The following TENM2 variants were observed in gnomAD, a reference collection of about 807,000 sequenced individuals.
The protein encoded by TENM2 is teneurin transmembrane protein 2.
In TENM2, 52 loss-of-function variants were observed where a neutral mutation model predicts 245.2. The observed-to-expected ratio is 0.21, with a 90% CI of 0.17 to 0.27. The LOEUF (loss-of-function observed/expected upper bound fraction) is 0.27, where lower values mean the gene tolerates loss of function less well. Among genes scored for constraint, TENM2 ranks in the 10% least tolerant of loss-of-function variants. TENM2 has a pLI of 1.00. For synonymous variants in TENM2, 1,363 were observed against 1,438.9 expected, an observed-to-expected ratio of 0.95 and a Z score of 1.19; for missense variants, 3,046 against 3,666.8, an observed-to-expected ratio of 0.83 and a Z score of 4.37.
chr5:167,509,046 G>T (rs1325331275), intron 2 of TENM2, among the ~76,000 whole-genome samples: 2 of 152,178 alleles, frequency 1.3e-5, no homozygotes, highest in African/African-American at 4.8e-5. Flanking sequence ...TCAAACTCCC[G>T]ACCTCAGGTG....
chr5:167,888,380 T>G (rs899887397), intron 3 of TENM2, among the ~76,000 whole-genome samples: 21 of 152,154 alleles, frequency 1.4e-4, no homozygotes, highest in African/African-American at 5.1e-4. Context: ...ACATAGCAGG[T>G]GCTCAATAAA....
At chr5:167,686,555 G>A (rs1215189201) in intron 2 of TENM2, among the ~76,000 whole-genome samples, 4 of 152,084 alleles carry the variant, frequency 2.6e-5, no homozygotes, top group African/African-American at 9.7e-5. Context: ...AGAAAGGCAG[G>A]TAGGGCTCCG....
intron 2 of TENM2, among the ~76,000 whole-genome samples, chr5:167,628,325 C>T (rs901867249): frequency 1.3e-5 from 2 of 152,130 alleles, no homozygotes. Context: ...TCAAAAATCT[C>T]CAGTTATTTC....
At chr5:168,079,976 T>A (rs1791835084) in intron 7 of TENM2, among the ~76,000 whole-genome samples, 1 of 152,242 alleles carries the variant, frequency 6.6e-6, no homozygotes, top group Admixed American at 6.5e-5. Context: ...CCTCTTTTTC[T>A]ATTAATTGGA....
chr5:167,867,545 G>A (rs539725972), intron 2 of TENM2, among the ~76,000 whole-genome samples: 2 of 152,274 alleles, frequency 1.3e-5, no homozygotes, highest in South Asian at 2.1e-4. Context: ...ATCTGAAAAC[G>A]ATTTGTTTTC....
At chr5:167,952,349 C>T in intron 3 of TENM2, 1 of 584,852 alleles carries the variant, frequency 1.7e-6, no homozygotes, top group South Asian at 2.1e-5. Context: ...CCTGGTTTTG[C>T]TAAATTAGTT....
In TENM2 at chr5:168,061,968, CA is replaced by C. The variant is rs372103472; in HGVS notation, c.1310-83del. On this transcript the variant is annotated intron_variant, in intron 6 of 28. Coordinates refer to ENST00000518659, the Ensembl canonical transcript of TENM2. The stretch of plus-strand genomic sequence containing the variant: ...TTTAATCTTAATATTAAAACAACAA[CA>C]AAAAAAAACCTGGCATGTAATTAAA... 7.9e-4 allele frequency: 903 copies of C among 1,136,140 alleles called. 6 individuals are homozygous for C. Among genetic ancestry groups the C allele is most frequent in the Middle Eastern group, 7.7e-3 (25 of 3,246 alleles). 70.4% of individuals were successfully genotyped at this position (1,136,140 alleles called of 1,614,324 possible).
At chr5:167,275,561 A>C in the TENM2 span, among the ~76,000 whole-genome samples, 1 of 152,062 alleles carries the variant, frequency 6.6e-6, no homozygotes, top group Non-Finnish European at 1.5e-5. Flanking sequence ...TTTGCACCAC[A>C]TAATTTCTAT....
chr5:168,130,346 C>G (rs1049691369), intron 12 of TENM2: 1 of 152,116 alleles, frequency 6.6e-6, no homozygotes, highest in African/African-American at 2.4e-5. Flanking sequence ...ATAACCTTTT[C>G]CTTAAAAGTT....
At chr5:167,030,305 A>G in the TENM2 span, among the ~76,000 whole-genome samples, 1 of 152,074 alleles carries the variant, frequency 6.6e-6, no homozygotes, top group South Asian at 2.1e-4. Context: ...AAATGTTGGG[A>G]GTTTAAAATA....
At chr5:167,173,733 G>A in the TENM2 span, among the ~76,000 whole-genome samples, 1,134 of 151,754 alleles carry the variant, frequency 7.5e-3, 10 homozygotes, top group Non-Finnish European at 0.013. Context: ...GTGTGTGTGT[G>A]TATGTGGGTG....
At chr5:167,210,559 G>A in the TENM2 span, among the ~76,000 whole-genome samples, 2 of 150,686 alleles carry the variant, frequency 1.3e-5, no homozygotes, top group Non-Finnish European at 2.9e-5. Flanking sequence ...TGCTTCCCGG[G>A]TTCACGCCAT....
At chr5:168,216,189 C>T (rs895304253) in intron 21 of TENM2, among the ~76,000 whole-genome samples, 1 of 152,126 alleles carries the variant, frequency 6.6e-6, no homozygotes, top group Non-Finnish European at 1.5e-5. Flanking sequence ...AAATAGAAGC[C>T]ATATCTGTGC....
the TENM2 span, among the ~76,000 whole-genome samples, chr5:167,016,237 G>C: frequency 7.6e-6 from 1 of 132,424 alleles, no homozygotes; most frequent in Non-Finnish European, 1.5e-5. Context: ...CTGGGCAACA[G>C]AGCGAGACTC....
At chr5:168,105,407 A>G (rs1170314053) in intron 9 of TENM2, among the ~76,000 whole-genome samples, 4 of 152,166 alleles carry the variant, frequency 2.6e-5, no homozygotes, top group Non-Finnish European at 5.9e-5. Flanking sequence ...TTTGAATGTC[A>G]GTAGATCACA....
intron 4 of TENM2, among the ~76,000 whole-genome samples, chr5:167,979,848 A>G (rs971828996): frequency 2.0e-5 from 3 of 152,202 alleles, no homozygotes; most frequent in Admixed American, 1.3e-4. Flanking sequence ...TAATACGAAC[A>G]TGATGTTGTT....
At chr5:167,036,912 TA>T in the TENM2 span, among the ~76,000 whole-genome samples, 3 of 152,234 alleles carry the variant, frequency 2.0e-5, no homozygotes, top group African/African-American at 7.2e-5. Flanking sequence ...CCCATTAACT[TA>T]ATATTACCTG....
intron 2 of TENM2, among the ~76,000 whole-genome samples, chr5:167,777,927 T>A (rs1763924890): frequency 6.6e-6 from 1 of 152,240 alleles, no homozygotes; most frequent in Non-Finnish European, 1.5e-5. Flanking sequence ...ATGAGCCATC[T>A]AACCACCAGT....
intron 2 of TENM2, among the ~76,000 whole-genome samples, chr5:167,711,751 C>G (rs1259259436): frequency 6.6e-6 from 1 of 152,176 alleles, no homozygotes; most frequent in East Asian, 1.9e-4. Context: ...CAACCAGCCA[C>G]CTGTTCTTTG....
Sources: gnomAD v4.1 joint callset for allele counts (sites outside exome capture counted in the v4.1 genomes callset) on GRCh38, gnomAD v4.1.1 for gene constraint, MANE v1.5 for transcripts, NCBI Gene and HGNC (gene_info 2026-07-23, HGNC 2026-07-21) for gene names.